Variants in DCAF7 observed in about 807,000 individuals in gnomAD.
DCAF7 encodes DDB1- and CUL4-associated factor 7.
DCAF7 carries 4 observed loss-of-function variants against 41.2 expected under a neutral mutation model. The observed-to-expected ratio is 0.10, with a 90% confidence interval of 0.05 to 0.22. The LOEUF (loss-of-function observed/expected upper bound fraction) is 0.22. Ranked by LOEUF, DCAF7 falls within the 10% of genes least tolerant of loss-of-function variation. The pLI is 1.00. For missense variants in DCAF7, 131 were observed against 443.2 expected (o/e 0.30, Z 6.32); for synonymous variants, 143 against 164.2 (o/e 0.87, Z 0.99).
chr17:63,576,275 C>G (rs1304455376), intron 1 of DCAF7, among the ~76,000 whole-genome samples: 1 of 152,090 alleles, frequency 6.6e-6, no homozygotes, highest in Non-Finnish European at 1.5e-5. Context: ...AGACCCTTCT[C>G]TACTAAAAAT....
chr17:63,571,318 C>G (rs1415342488), intron 1 of DCAF7, among the ~76,000 whole-genome samples: 1 of 151,946 alleles, frequency 6.6e-6, no homozygotes, highest in Non-Finnish European at 1.5e-5. Context: ...TTATATCAAA[C>G]CAAATGGCAA....
At chr17:63,558,052 C>T (rs915175364) in intron 1 of DCAF7, among the ~76,000 whole-genome samples, 12 of 151,980 alleles carry the variant, frequency 7.9e-5, no homozygotes, top group Non-Finnish European at 1.0e-4. Flanking sequence ...CACACCACCA[C>T]GCCCGCTAAT....
intron 3 of DCAF7, 26 bp from the exon 4 acceptor site, chr17:63,579,799 C>T (rs765609260): frequency 1.3e-6 from 2 of 1,592,670 alleles, no homozygotes; most frequent in South Asian, 1.1e-5. Context: ...GTCCCGTCAG[C>T]CCTGACTTGC....
In DCAF7 at chr17:63,563,688, A is replaced by G. The variant is rs1212204342; in HGVS notation, c.138+12873A>G. Among the ~76,000 whole-genome samples the G allele has an allele frequency of 4.6e-5, 7 of 152,154 alleles. No homozygotes were observed. The East Asian group carries it at 1.2e-3, about 25-fold the overall frequency. On this transcript the variant is annotated intron_variant, in intron 1 of 6. Transcript: ENST00000614556. ...AATTTAGCCTAGCATGGTGGTGGGC[A>G]CCTCTAGTCTCAGCTACTCGGGAGG...
At chr17:63,575,907 A>C (rs2033557203) in intron 1 of DCAF7, among the ~76,000 whole-genome samples, 1 of 152,248 alleles carries the variant, frequency 6.6e-6, no homozygotes, top group South Asian at 2.1e-4. Context: ...CAATTTTGAA[A>C]CAGAAGAACA....
intron 1 of DCAF7, among the ~76,000 whole-genome samples, chr17:63,569,475 C>A (rs1377973136): frequency 6.6e-6 from 1 of 152,094 alleles, no homozygotes; most frequent in African/African-American, 2.4e-5. Flanking sequence ...AGCTGCCCTG[C>A]AAATTCCAAC....
Position 63,578,404 on chromosome 17 carries a change from A to C in DCAF7, c.139-66A>C, listed in dbSNP as rs1356388097. On this transcript the variant is annotated intron_variant, in intron 1 of 6. Coordinates refer to ENST00000614556, the MANE Select transcript of DCAF7 (RefSeq NM_005828.5). ...ACAAAAAAAACCTCTGTCACTGACC[A>C]GGGATCTAATGTATTTGCTGTACTG... 191 of 1,596,912 alleles carry C rather than the reference A, an allele frequency of 1.2e-4. 3 individuals are homozygous for C. In the South Asian group the frequency reaches 1.7e-3, roughly 15 times the overall value.
At chr17:63,585,839 G>A (rs2033670978) in intron 6 of DCAF7, among the ~76,000 whole-genome samples, 1 of 152,064 alleles carries the variant, frequency 6.6e-6, no homozygotes, top group African/African-American at 2.4e-5. Flanking sequence ...CACCCCTTAC[G>A]GGCTGGGTGC....
chr17:63,553,040 C>T (rs1006411509), intron 1 of DCAF7, among the ~76,000 whole-genome samples: 1 of 152,038 alleles, frequency 6.6e-6, no homozygotes, highest in African/African-American at 2.4e-5. Flanking sequence ...ACCAATAGAC[C>T]CCTTCTCATA....
chr17:63,589,481 C>G lies in DCAF7; in HGVS notation c.*309C>G, dbSNP rs955742830. ...GTTTGTCAGGCGTTGTGTTGAGGAGCAGTTCACGCACTGGCTGTGTCTATT... is the reference window on the plus strand; with the variant it reads ...GTTTGTCAGGCGTTGTGTTGAGGAGGAGTTCACGCACTGGCTGTGTCTATT... On this transcript the variant is annotated 3_prime_UTR_variant, in exon 7 of 7. Transcript: ENST00000614556. 6.3e-5 allele frequency: 25 copies of G among 398,770 alleles called. No individual in the cohort carries two copies. Among genetic ancestry groups the G allele is most frequent in the Non-Finnish European group, 1.4e-5 (3 of 207,502 alleles). 24.7% of individuals were successfully genotyped at this position (398,770 alleles called of 1,614,324 possible).
intron 1 of DCAF7, among the ~76,000 whole-genome samples, chr17:63,571,094 G>C (rs922379564): frequency 2.6e-5 from 4 of 151,928 alleles, no homozygotes; most frequent in Non-Finnish European, 5.9e-5. Context: ...GCTGAGGCAA[G>C]AGAATCACTT....
intron 3 of DCAF7, 68 bp downstream of exon 3, chr17:63,579,516 T>TA: frequency 8.6e-7 from 1 of 1,156,224 alleles, no homozygotes; most frequent in Non-Finnish European, 1.3e-6. Context: ...GATGTCACAC[T>TA]GGGCCATACA....
chr17:63,563,341 A>G (rs769465933), intron 1 of DCAF7, among the ~76,000 whole-genome samples: 4 of 152,230 alleles, frequency 2.6e-5, no homozygotes, highest in Admixed American at 2.0e-4. Flanking sequence ...TATTGCTTCT[A>G]GTGCTGTTGA....
intron 4 of DCAF7, among the ~76,000 whole-genome samples, chr17:63,580,319 G>A (rs2033607569): frequency 6.6e-6 from 1 of 151,948 alleles, no homozygotes; most frequent in African/African-American, 2.4e-5. Context: ...GACAGGAAGA[G>A]AAAAAATTTT....
chr17:63,553,693 G>A (rs1306597589), intron 1 of DCAF7, among the ~76,000 whole-genome samples: 1 of 152,200 alleles, frequency 6.6e-6, no homozygotes, highest in Non-Finnish European at 1.5e-5. Context: ...TCTTTTTAGT[G>A]TGGAGACATT....
chr17:63,577,731 C>T (rs1415749789), intron 1 of DCAF7, among the ~76,000 whole-genome samples: 1 of 152,096 alleles, frequency 6.6e-6, no homozygotes, highest in African/African-American at 2.4e-5. Context: ...AATGAAATTG[C>T]AAAGGGTGTT....
chr17:63,579,476 A>C (rs2033596128), intron 3 of DCAF7, 28 bp downstream of exon 3: 2 of 1,513,562 alleles, frequency 1.3e-6, no homozygotes, highest in African/African-American at 2.7e-5. Flanking sequence ...TATGTATTTC[A>C]GCTGGAAGAA....
At chr17:63,572,709 T>C (rs544860771) in intron 1 of DCAF7, among the ~76,000 whole-genome samples, 43 of 152,340 alleles carry the variant, frequency 2.8e-4, no homozygotes, top group African/African-American at 1.0e-3. Context: ...AAATACTTCT[T>C]GAATGAATAT....
At chr17:63,573,363 T>TC (rs1233004161) in intron 1 of DCAF7, 2 of 152,280 alleles carry the variant, frequency 1.3e-5, no homozygotes, top group East Asian at 3.9e-4. Flanking sequence ...TGGGTTTTTT[T>TC]CCCGTTTCTC....
Sources: allele counts gnomAD v4.1 joint callset (sites outside exome capture counted in the v4.1 genomes callset), GRCh38; gene constraint gnomAD v4.1.1; transcripts MANE v1.5; gene names NCBI Gene and HGNC (gene_info 2026-07-23, HGNC 2026-07-21).